The following DLGAP2 variants were observed in gnomAD, a reference collection of about 807,000 sequenced individuals.
The protein encoded by DLGAP2 is disks large-associated protein 2.
A neutral mutation model predicts 100.3 loss-of-function variants in DLGAP2; 26 were observed. The ratio of observed to expected loss-of-function variants is 0.26; its 90% CI spans 0.19 to 0.36. The LOEUF is 0.36. DLGAP2 is among the 10% of genes least tolerant of loss of function. The pLI is 1.00. For synonymous variants in DLGAP2, 886 were observed against 630.1 expected, an observed-to-expected ratio of 1.41 and a Z score of -6.08; for missense variants, 1,858 against 1,453.2, an observed-to-expected ratio of 1.28 and a Z score of -4.53.
At chr8:1,061,442 A>G (rs1032494744) in intron 2 of DLGAP2, among the ~76,000 whole-genome samples, 2 of 152,124 alleles carry the variant, frequency 1.3e-5, no homozygotes, top group Non-Finnish European at 2.9e-5. Context: ...CCACGCTGCC[A>G]GTTAGAATTT....
At chr8:1,650,003 A>G (rs752672387) in intron 8 of DLGAP2, among the ~76,000 whole-genome samples, 121 of 152,240 alleles carry the variant, frequency 7.9e-4, no homozygotes, top group Non-Finnish European at 3.8e-4. Flanking sequence ...CTGCAGATTC[A>G]TGGAATTTCT....
rs550609038 is a variant in DLGAP2 at position 1,610,744 on chromosome 8, G to A, written c.1443-15996G>A. On this transcript the variant is annotated intron_variant, in intron 6 of 14. Coordinates refer to ENST00000637795, the MANE Select transcript of DLGAP2 (RefSeq NM_001346810.2). ...CCCACAGAAATACAAACTACCATCA[G>A]AGAATACTACAAACACCTCTACGCA... Among the ~76,000 whole-genome samples the A allele has an allele frequency of 1.1e-3, 158 of 146,556 alleles. 1 individual carries two copies. Among genetic ancestry groups the A allele is most frequent in the Non-Finnish European group, 2.1e-4 (14 of 67,790 alleles).
intron 1 of DLGAP2, among the ~76,000 whole-genome samples, chr8:809,909 G>GA (rs1796340500): frequency 6.6e-6 from 1 of 152,206 alleles, no homozygotes; most frequent in Admixed American, 6.5e-5. Context: ...CCAGAAGCAT[G>GA]GTGTGCTCTG....
rs575743108 is a variant in DLGAP2, at chr8:1,160,905, G to A, written c.74-97946G>A. On this transcript the variant is annotated intron_variant, in intron 2 of 14. Transcript: ENST00000637795. ...CAATCAGGTAAGTAACTAAAGACTG[G>A]CCGTCATCTGGGTTTTTCACCTAAG... 1.6e-4 allele frequency among the ~76,000 whole-genome samples: 24 copies of A among 152,294 alleles called. No individual in the cohort carries two copies. The South Asian group carries it at 4.4e-3, about 28-fold the overall frequency.
intron 6 of DLGAP2, chr8:1,619,960 A>G (rs1797274063): frequency 1.3e-5 from 2 of 152,208 alleles, no homozygotes; most frequent in Non-Finnish European, 2.9e-5. Flanking sequence ...TAGACAGGAA[A>G]AATGATCCCA....
At chr8:1,038,516 A>C (rs972598801) in intron 2 of DLGAP2, among the ~76,000 whole-genome samples, 2 of 152,230 alleles carry the variant, frequency 1.3e-5, no homozygotes, top group African/African-American at 4.8e-5. Flanking sequence ...AGGAAGGAAT[A>C]ATTCTTGAGC....
intron 1 of DLGAP2, among the ~76,000 whole-genome samples, chr8:841,410 A>C (rs1306734786): frequency 1.3e-5 from 2 of 152,134 alleles, no homozygotes; most frequent in Non-Finnish European, 2.9e-5. Flanking sequence ...GTAGATGTTC[A>C]TGTTGCCCAT....
rs538493491 is a variant in DLGAP2 at position 1,423,462 on chromosome 8, T to C, written c.107-77904T>C. Among the ~76,000 whole-genome samples, 194 of 152,334 alleles carry C rather than the reference T, an allele frequency of 1.3e-3. 2 individuals are homozygous for C. The highest frequency in any genetic ancestry group is 4.5e-3 in the African/African-American group (187 of 41,580). ...CCGCGAGGTCTGATGACCACTGCCCTGCCATCTCCATACCGCTCCATGCAC... is the reference window on the plus strand; with the variant it reads ...CCGCGAGGTCTGATGACCACTGCCCCGCCATCTCCATACCGCTCCATGCAC... On this transcript the variant is annotated intron_variant, in intron 3 of 14. Coordinates refer to ENST00000637795, the MANE Select transcript of DLGAP2 (RefSeq NM_001346810.2).
chr8:1,582,605 G>C (rs6988414), intron 6 of DLGAP2, among the ~76,000 whole-genome samples: 86,846 of 151,382 alleles, frequency 0.57, 25,775 homozygotes, highest in African/African-American at 0.75. Flanking sequence ...CTTTTCCCCC[G>C]CCAAGATGGA....
At chr8:1,245,137 G>A (rs766823305) in intron 2 of DLGAP2, among the ~76,000 whole-genome samples, 6 of 152,190 alleles carry the variant, frequency 3.9e-5, no homozygotes, top group Non-Finnish European at 5.9e-5. Flanking sequence ...CTTCATACAC[G>A]ACCTTTGGGA....
chr8:950,879 T>C (rs11780208), intron 2 of DLGAP2, among the ~76,000 whole-genome samples: 65,705 of 151,338 alleles, frequency 0.43, 14,682 homozygotes, highest in Admixed American at 0.56. Flanking sequence ...CCGCCTCAAC[T>C]TCCCAAAGCG....
At chr8:783,272 C>T (rs773339660) in intron 1 of DLGAP2, among the ~76,000 whole-genome samples, 1 of 152,178 alleles carries the variant, frequency 6.6e-6, no homozygotes, top group Non-Finnish European at 1.5e-5. Context: ...GGTTTGCCTG[C>T]ACTCTGTTCC....
intron 1 of DLGAP2, among the ~76,000 whole-genome samples, chr8:786,618 C>T (rs769721164): frequency 2.6e-5 from 4 of 151,938 alleles, no homozygotes; most frequent in South Asian, 2.1e-4. Context: ...AGCGGCTCTT[C>T]GGGAGAGACG....
intron 3 of DLGAP2, among the ~76,000 whole-genome samples, chr8:1,471,595 C>A (rs1052508787): frequency 6.6e-6 from 1 of 151,486 alleles, no homozygotes; most frequent in Non-Finnish European, 1.5e-5. Flanking sequence ...TCCTAACCTC[C>A]TCTCACCTCC....
intron 1 of DLGAP2, among the ~76,000 whole-genome samples, chr8:835,018 C>G (rs1004151770): frequency 2.0e-5 from 3 of 152,258 alleles, no homozygotes; most frequent in African/African-American, 7.2e-5. Context: ...TGTTGGGGTG[C>G]ACAGGTGCAT....
chr8:949,411 G>A lies in DLGAP2; in HGVS notation c.73+41445G>A, dbSNP rs544325443. ...ACGGATTGGCTGGGGCCGCCCAGGA[G>A]TGAATGCGGATCCAGGAGAGAGGAT... On this transcript the variant is annotated intron_variant, in intron 2 of 14. Transcript: ENST00000637795. Among the ~76,000 whole-genome samples, 4 of 152,276 alleles carry A rather than the reference G, an allele frequency of 2.6e-5. No homozygotes were observed. The East Asian group carries it at 7.8e-4, about 30-fold the overall frequency.
At chr8:1,042,626 G>A (rs1391031293) in intron 2 of DLGAP2, among the ~76,000 whole-genome samples, 2 of 152,322 alleles carry the variant, frequency 1.3e-5, no homozygotes, top group African/African-American at 4.8e-5. Context: ...GCCAGGGAAG[G>A]CCTCCACCCT....
intron 3 of DLGAP2, among the ~76,000 whole-genome samples, chr8:1,427,884 C>T (rs150765981): frequency 8.6e-4 from 131 of 152,234 alleles, no homozygotes; most frequent in Non-Finnish European, 1.5e-3. Context: ...GTACTCTTCT[C>T]CATAATTCAT....
At chr8:1,565,525 T>G in intron 5 of DLGAP2, 158 bp from the exon 6 acceptor site, 1 of 612,614 alleles carries the variant, frequency 1.6e-6, no homozygotes. Flanking sequence ...TTCATTTCCT[T>G]TTAGGATATG....
Sources: allele counts gnomAD v4.1 joint callset (sites outside exome capture counted in the v4.1 genomes callset), GRCh38; gene constraint gnomAD v4.1.1; transcripts MANE v1.5; gene names NCBI Gene and HGNC (gene_info 2026-07-23, HGNC 2026-07-21).